The following CELSR2 variants were observed in gnomAD, a reference collection of about 807,000 sequenced individuals.
CELSR2 encodes the protein EGF-like protein 2.
Under a neutral mutation model 251.6 loss-of-function variants are expected in CELSR2, and 81 were observed. The ratio of observed to expected loss-of-function variants is 0.32; its 90% CI spans 0.27 to 0.39. The LOEUF (loss-of-function observed/expected upper bound fraction) is 0.39, where lower values mean the gene tolerates loss of function less well. Ranked by LOEUF, CELSR2 falls within the 10% of genes least tolerant of loss-of-function variation. CELSR2 has a pLI of 1.00. For missense variants in CELSR2, 3,365 were observed against 3,947.7 expected (o/e 0.85, Z 3.96); for synonymous variants, 1,721 against 1,670.5 (o/e 1.03, Z -0.74).
Position 109,250,219 on chromosome 1 carries a change from C to T in CELSR2, c.140C>T (p.Ser47Phe), listed in dbSNP as rs1293667592. Residue 47 changes from serine (S) to phenylalanine (F), a missense_variant, in exon 1 of 34, where the codon TCT (serine) becomes TTT (phenylalanine). Physicochemically the swap from Ser to Phe is radical, Grantham distance 155. Coordinates refer to ENST00000271332, the MANE Select transcript of CELSR2 (RefSeq NM_001408.3). The surrounding 1 kb of genome is among the most constrained non-coding windows in gnomAD (Gnocchi z 4.4). The stretch of plus-strand genomic sequence containing the variant: ...TCCTTGGGGTCCAGGGGACGAGGCT[C>T]TTCGGGGGCCTGCGCCCCCATGGGC... ...CRSLGSRGRG[S>F]SGACAPMGWL... The T allele has an allele frequency of 3.7e-6, 6 of 1,602,946 alleles. No individual in the cohort carries two copies. The highest frequency in any genetic ancestry group is 2.2e-5 in the East Asian group (1 of 44,792).
rs770028307 is a variant in CELSR2 at position 109,269,742 on chromosome 1, C to T, written c.7029C>T (p.Phe2343=). The T allele has an allele frequency of 1.2e-6, 2 of 1,613,996 alleles. No individual in the cohort carries two copies. The highest frequency in any genetic ancestry group is 2.2e-5 in the South Asian group (2 of 91,078). Reference sequence around the variant, plus strand: ...CGGCCAGAGGCTGTGAAGTCGTCTTCCGCAATGAGAGCCACGTCAGCTGCC... The same window carrying T: ...CGGCCAGAGGCTGTGAAGTCGTCTTTCGCAATGAGAGCCACGTCAGCTGCC... ...GWSARGCEVV[F]RNESHVSCQC... The change falls in exon 22 of 34, where the codon TTC becomes TTT. Residue 2343 remains phenylalanine (F), a synonymous_variant. Coordinates refer to ENST00000271332, the MANE Select transcript of CELSR2 (RefSeq NM_001408.3). This position sits in a 1 kb window ranked among gnomAD's most constrained non-coding sequence, Gnocchi z 6.4.
In CELSR2 at chr1:109,269,757, C is replaced by T. The variant is rs150989889; in HGVS notation, c.7044C>T (p.His2348=). The T allele has an allele frequency of 3.4e-4, 547 of 1,613,878 alleles. 1 individual carries two copies. Among genetic ancestry groups the T allele is most frequent in the Non-Finnish European group, 3.1e-4 (361 of 1,180,026 alleles). ...GCEVVFRNES[H]VSCQCNHMTS... is the part of the protein sequence containing the mutation. ...AAGTCGTCTTCCGCAATGAGAGCCA[C>T]GTCAGCTGCCAGTGCAACCACATGA... Residue 2348 remains histidine, a synonymous_variant, in exon 22 of 34, where the codon CAC becomes CAT. Coordinates refer to ENST00000271332, the MANE Select transcript of CELSR2 (RefSeq NM_001408.3). This position sits in a 1 kb window ranked among gnomAD's most constrained non-coding sequence, Gnocchi z 6.4.
At position 109,258,461 on chromosome 1, in the gene CELSR2, G is replaced by T; in HGVS notation, c.3340G>T (p.Ala1114Ser). The T allele has an allele frequency of 6.2e-7, 1 of 1,601,258 alleles. No homozygotes were observed. Residue 1114 changes from alanine (A) to serine (S), a missense_variant, in exon 2 of 34, where the codon GCG becomes TCG. By Grantham distance (99) the Ala-to-Ser change is moderately conservative. Coordinates refer to ENST00000271332, the MANE Select transcript of CELSR2 (RefSeq NM_001408.3). ...DGVHSVTAQC[A>S]LRVTIITDEM... ...CGTACACAGCGTGACCGCCCAGTGC[G>T]CGCTGCGTGTGACCATCATCACCGA...
In CELSR2 at chr1:109,261,770, C is replaced by A; in HGVS notation, c.4298-38C>A. ...ACCCCAAACCCTGCCATTCCTAGCC[C>A]TCGTCAGGCATTCCAGCTCACCTGG... is the stretch of plus-strand genomic sequence containing the variant. On this transcript the variant is annotated intron_variant, in intron 4 of 33. Coordinates refer to ENST00000271332, the MANE Select transcript of CELSR2 (RefSeq NM_001408.3). This position sits in a 1 kb window ranked among gnomAD's most constrained non-coding sequence, Gnocchi z 4.8. The A allele has an allele frequency of 6.4e-7, 1 of 1,568,788 alleles. No individual in the cohort carries two copies. Among genetic ancestry groups the A allele is most frequent in the Non-Finnish European group, 8.7e-7 (1 of 1,152,160 alleles).
chr1:109,251,207 G>T lies in CELSR2; in HGVS notation c.1128G>T (p.Pro376=). Residue 376 remains proline, a synonymous_variant, in exon 1 of 34, where the codon CCG becomes CCT. Transcript: ENST00000271332. This position sits in a 1 kb window ranked among gnomAD's most constrained non-coding sequence, Gnocchi z 4.9. The stretch of plus-strand genomic sequence containing the variant: ...AGGCAAGTGACCAGGGTCGGGACCC[G>T]GGTCCTCGGAGTACCACAGCCGCTG... ...TVEASDQGRD[P]GPRSTTAAVF... 6.2e-7 allele frequency: 1 copy of T among 1,613,824 alleles called. No homozygotes were observed. Among genetic ancestry groups the T allele is most frequent in the Non-Finnish European group, 8.5e-7 (1 of 1,180,000 alleles).
rs534308265 is a variant in CELSR2, at chr1:109,266,515, G to A, written c.6013+309G>A. 4 of 199,106 alleles carry A rather than the reference G, an allele frequency of 2.0e-5. No individual in the cohort carries two copies. The East Asian group carries it at 3.4e-4, about 17-fold the overall frequency. 12.3% of individuals were successfully genotyped at this position (199,106 alleles called of 1,614,324 possible). A position where few individuals can be genotyped will look rare whatever the true frequency, so the allele number is the denominator to read the frequency against. ...TGCAACCTCTGCCTCCCAGGTTCAAGCAATTTTCCTGCCTAAGCCTCTGGC... is the reference window on the plus strand; with the variant it reads ...TGCAACCTCTGCCTCCCAGGTTCAAACAATTTTCCTGCCTAAGCCTCTGGC... On this transcript the variant is annotated intron_variant, in intron 15 of 33. Coordinates refer to ENST00000271332, the MANE Select transcript of CELSR2 (RefSeq NM_001408.3).
intron 2 of CELSR2, among the ~76,000 whole-genome samples, 180 bp from the exon 3 acceptor site, chr1:109,260,862 G>A (rs928585482): frequency 6.6e-6 from 1 of 152,190 alleles, no homozygotes; most frequent in Non-Finnish European, 1.5e-5. Flanking sequence ...CCCATGAAGG[G>A]CTGGGGACCA....
Position 109,268,673 on chromosome 1 carries a change from G to A in CELSR2, c.6411G>A (p.Leu2137=). The A allele has an allele frequency of 6.2e-7, 1 of 1,614,098 alleles. No individual in the cohort carries two copies. The highest frequency in any genetic ancestry group is 8.5e-7 in the Non-Finnish European group (1 of 1,179,994). ...AGACAGAGGGTGGCACCGCCTGGCT[G>A]CTCCAGCACTATGAGGCCTACGCCA... ...IQQTEGGTAW[L]LQHYEAYASA... The change falls in exon 18 of 34, where the codon CTG becomes CTA. Residue 2137 remains leucine, a synonymous_variant. Transcript: ENST00000271332.
At position 109,262,175 on chromosome 1, in the gene CELSR2, G is replaced by A. The variant is rs986176216; in HGVS notation, c.4387-112G>A. On this transcript the variant is annotated intron_variant, in intron 5 of 33. Transcript: ENST00000271332. ...CACACGTGTGTGTATATGCATGTGT[G>A]TACGTGTGTCTGGGCATGTGGGTGC... is the stretch of plus-strand genomic sequence containing the variant. 2.0e-5 allele frequency: 29 copies of A among 1,419,948 alleles called. No homozygotes were observed. The African/African-American group carries it at 3.4e-4, about 17-fold the overall frequency. 88.0% of individuals were successfully genotyped at this position (1,419,948 alleles called of 1,614,324 possible).
At chr1:109,260,175 G>A (rs1655978711) in intron 2 of CELSR2, among the ~76,000 whole-genome samples, 1 of 143,492 alleles carries the variant, frequency 7.0e-6, no homozygotes, top group Admixed American at 6.8e-5. Flanking sequence ...GATGGTGGGG[G>A]GGGTTGGGAG....
Position 109,270,068 on chromosome 1 carries a change from C to G in CELSR2, c.7243C>G (p.Leu2415Val). 1.2e-6 allele frequency: 2 copies of G among 1,614,190 alleles called. No individual in the cohort carries two copies. The highest frequency in any genetic ancestry group is 8.5e-7 in the Non-Finnish European group (1 of 1,180,026). Residue 2415 changes from leucine (L) to valine (V), a missense_variant, in exon 23 of 34, where the codon CTG (leucine) becomes GTG (valine). Physicochemically the swap from Leu to Val is conservative, Grantham distance 32 (BLOSUM62 1). Around this residue, in one of 5 missense-constraint regions of CELSR2, gnomAD observed 2,093 missense variants for 2,382.8 expected, o/e 0.88. Coordinates refer to ENST00000271332, the MANE Select transcript of CELSR2 (RefSeq NM_001408.3). ...RSNQHGIRRN[L>V]TAALGLAQLV... Reference sequence around the variant, plus strand: ...CAACCAACACGGCATCCGACGTAACCTGACAGCTGCCCTGGGCCTGGCTCA... The same window carrying G: ...CAACCAACACGGCATCCGACGTAACGTGACAGCTGCCCTGGGCCTGGCTCA...
Position 109,251,423 on chromosome 1 carries a change from TCTGGATGCCCAGA to T in CELSR2, c.1350_1362del (p.Asp450GlufsTer6), listed in dbSNP as rs749274117. The T allele has an allele frequency of 6.2e-7, 1 of 1,613,812 alleles. No individual in the cohort carries two copies. The highest frequency in any genetic ancestry group is 1.3e-5 in the African/African-American group (1 of 74,922). ...GTGGCAATGCTCGGGGACAGTTTTA[TCTGGATGCCCAGA>T]CTGGAGCTCTGGATGTGGTGAGCCC... On this transcript the variant is annotated frameshift_variant, in exon 1 of 34. Transcript: ENST00000271332. LOFTEE classifies it high-confidence loss of function. The surrounding 1 kb of genome is among the most constrained non-coding windows in gnomAD (Gnocchi z 4.9).
chr1:109,266,752 G>A (rs1656208222), intron 15 of CELSR2, among the ~76,000 whole-genome samples: 1 of 134,534 alleles, frequency 7.4e-6, no homozygotes, highest in Non-Finnish European at 1.5e-5. Flanking sequence ...ACGGAGTCTC[G>A]CTCTGTCATC....
At position 109,250,059 on chromosome 1, in the gene CELSR2, G is replaced by A. The variant is rs111649789; in HGVS notation, c.-21G>A. 1.4e-5 allele frequency: 19 copies of A among 1,327,592 alleles called. No homozygotes were observed. The South Asian group carries it at 3.2e-4, about 22-fold the overall frequency. 82.2% of individuals were successfully genotyped at this position (1,327,592 alleles called of 1,614,324 possible). Reference sequence around the variant, plus strand: ...AGCCGCCGCCGCCGTTGACCCGGCCGCCGGCCGGGAGCTGGGAGAGATGCG... The same window carrying A: ...AGCCGCCGCCGCCGTTGACCCGGCCACCGGCCGGGAGCTGGGAGAGATGCG... On this transcript the variant is annotated 5_prime_UTR_variant, in exon 1 of 34. Coordinates refer to ENST00000271332, the MANE Select transcript of CELSR2 (RefSeq NM_001408.3). The surrounding 1 kb of genome is among the most constrained non-coding windows in gnomAD (Gnocchi z 4.4).
In CELSR2 at chr1:109,252,458, C is replaced by G; in HGVS notation, c.2379C>G (p.Pro793=). 1 of 1,613,782 alleles carries G rather than the reference C, an allele frequency of 6.2e-7. No homozygotes were observed. The highest frequency in any genetic ancestry group is 2.2e-5 in the East Asian group (1 of 44,886). ...LAITARDNGI[P]QKSDTTYLEI... is the part of the protein sequence containing the mutation. ...TTACTGCTCGGGACAATGGCATTCC[C>G]CAGAAGTCCGACACCACCTACCTGG... The change falls in exon 1 of 34, where the codon CCC becomes CCG. Residue 793 remains proline (P), a synonymous_variant. Transcript: ENST00000271332. The surrounding 1 kb of genome is among the most constrained non-coding windows in gnomAD (Gnocchi z 4.8).
intron 1 of CELSR2, among the ~76,000 whole-genome samples, chr1:109,256,462 G>A (rs1329847716): frequency 6.6e-6 from 1 of 152,164 alleles, no homozygotes; most frequent in African/African-American, 2.4e-5. Flanking sequence ...CAGCCTTCCC[G>A]GCTTCAGCTG....
intron 2 of CELSR2, among the ~76,000 whole-genome samples, chr1:109,260,776 T>G (rs546391405): frequency 4.9e-4 from 74 of 152,214 alleles, no homozygotes; most frequent in African/African-American, 1.7e-3. Context: ...GGGAAGGTGC[T>G]GGGGACTCCG....
At position 109,268,652 on chromosome 1, in the gene CELSR2, A is replaced by G; in HGVS notation, c.6390A>G (p.Thr2130=). 2 of 1,614,066 alleles carry G rather than the reference A, an allele frequency of 1.2e-6. No homozygotes were observed. Among genetic ancestry groups the G allele is most frequent in the East Asian group, 2.2e-5 (1 of 44,874 alleles). Reference sequence around the variant, plus strand: ...GGCACTGGGAGCTGATCCAGCAGACAGAGGGTGGCACCGCCTGGCTGCTCC... The same window carrying G: ...GGCACTGGGAGCTGATCCAGCAGACGGAGGGTGGCACCGCCTGGCTGCTCC... ...NKRHWELIQQ[T]EGGTAWLLQH... is the part of the protein sequence containing the mutation. Residue 2130 remains threonine, a synonymous_variant, in exon 18 of 34, where the codon ACA becomes ACG. Transcript: ENST00000271332.
chr1:109,258,818 C>G lies in CELSR2; in HGVS notation c.3697C>G (p.Leu1233Val). The change falls in exon 2 of 34, where the codon CTG (leucine) becomes GTG (valine). Residue 1233 changes from leucine to valine, a missense_variant. Physicochemically the swap from Leu to Val is conservative, Grantham distance 32 (BLOSUM62 1). Transcript: ENST00000271332. ...GCTGCCCTTCGACGACAACATCTGC[C>G]TGCGGGAGCCCTGCGAGAACTACAT... is the stretch of plus-strand genomic sequence containing the variant. ...RVLPFDDNIC[L>V]REPCENYMRC... 6.2e-7 allele frequency: 1 copy of G among 1,612,152 alleles called. No individual in the cohort carries two copies. Among genetic ancestry groups the G allele is most frequent in the Non-Finnish European group, 8.5e-7 (1 of 1,179,216 alleles).
Sources: gnomAD v4.1 joint callset for allele counts (sites outside exome capture counted in the v4.1 genomes callset) on GRCh38, gnomAD v4.1.1 for gene constraint, gnomAD v4.1.1 regional missense constraint, Gnocchi (gnomAD v3.1) non-coding constraint, MANE v1.5 for transcripts, NCBI Gene and HGNC (gene_info 2026-07-23, HGNC 2026-07-21) for gene names.